The following PDE1C variants were observed in gnomAD, a reference collection of about 807,000 sequenced individuals.
PDE1C encodes dual specificity calcium/calmodulin-dependent 3',5'-cyclic nucleotide phosphodiesterase 1C.
In PDE1C, 62 loss-of-function variants were observed where a neutral mutation model predicts 93.1. The ratio of observed to expected loss-of-function variants is 0.67; its 90% CI spans 0.54 to 0.82. The LOEUF is 0.82. Ranked by LOEUF, PDE1C falls within the 40% of genes least tolerant of loss-of-function variation. The pLI, the probability that PDE1C is intolerant of heterozygous loss-of-function variation, is 0.00. For synonymous variants in PDE1C, 325 were observed against 310.1 expected, an observed-to-expected ratio of 1.05 and a Z score of -0.50; for missense variants, 742 against 884.6, an observed-to-expected ratio of 0.84 and a Z score of 2.04.
At chr7:31,888,249 CAAAAA>C (rs34112969) in intron 2 of PDE1C, among the ~76,000 whole-genome samples, 3 of 44,210 alleles carry the variant, frequency 6.8e-5, no homozygotes, top group East Asian at 9.4e-4. Context: ...GACTCAGTCT[CAAAAA>C]AAAAAAAAAA....
the PDE1C span, chr7:31,651,070 G>A: frequency 1.3e-6 from 2 of 1,522,598 alleles, no homozygotes; most frequent in African/African-American, 1.4e-5. Context: ...TGGGAAGACA[G>A]GCTCCACCAT....
At position 32,054,047 on chromosome 7, in the gene PDE1C, T is replaced by C. The variant is rs140991858; in HGVS notation, c.102-2467A>G. Among the ~76,000 whole-genome samples, 224 of 151,834 alleles carry C rather than the reference T, an allele frequency of 1.5e-3. 1 individual carries two copies. Among genetic ancestry groups the C allele is most frequent in the African/African-American group, 5.0e-3 (207 of 41,368 alleles). On this transcript the variant is annotated intron_variant, in intron 1 of 17. Coordinates refer to ENST00000396191, the MANE Select transcript of PDE1C (RefSeq NM_001191057.4). ...AGCAAGCAGGGACTATAAAGTGAGG[T>C]AGCAGGAAATAAGGCTGGCAAGTGC... is the stretch of plus-strand genomic sequence containing the variant.
At chr7:31,880,690 C>T (rs1486528144) in intron 3 of PDE1C, 57 bp downstream of exon 3, 3 of 1,004,824 alleles carry the variant, frequency 3.0e-6, no homozygotes, top group Non-Finnish European at 4.6e-6. Context: ...TCAGAAAAGC[C>T]ATTTAAGAGA....
chr7:32,196,745 T>G (rs925062627), intron 2 of PDE1C, among the ~76,000 whole-genome samples: 2 of 152,184 alleles, frequency 1.3e-5, no homozygotes, highest in Non-Finnish European at 2.9e-5. Flanking sequence ...GGAGACTCAG[T>G]GGAATCCATT....
chr7:31,939,361 C>T (rs991003913), intron 2 of PDE1C, among the ~76,000 whole-genome samples: 5 of 152,054 alleles, frequency 3.3e-5, no homozygotes, highest in African/African-American at 9.7e-5. Context: ...AGGTTGTATC[C>T]AAATGCTCTC....
Position 32,350,075 on chromosome 7 carries a change from CTGTTGT to C in PDE1C, c.310+77741_310+77746del, listed in dbSNP as rs71559222. Among the ~76,000 whole-genome samples the C allele has an allele frequency of 2.7e-5, 4 of 148,748 alleles. No homozygotes were observed. In the East Asian group the frequency reaches 8.5e-4, roughly 32 times the overall value. ...TGTGGCATTCCTTTGTATTGTCTTG[CTGTTGT>C]TGTTGTTGTTGTTCTTCTTCTTCCT... On this transcript the variant is annotated intron_variant, in intron 1 of 1. Transcript: ENST00000672256.
At chr7:31,755,502 C>T (rs967453889) in intron 17 of PDE1C, among the ~76,000 whole-genome samples, 3 of 151,882 alleles carry the variant, frequency 2.0e-5, no homozygotes, top group Non-Finnish European at 2.9e-5. Context: ...ATGACTGATT[C>T]CAGAACTCGG....
At chr7:31,750,790 G>A (rs780357775), downstream of PDE1C, among the ~76,000 whole-genome samples, 17 of 152,108 alleles carry the variant, frequency 1.1e-4, no homozygotes, top group African/African-American at 3.1e-4. Flanking sequence ...GGAATGCAGC[G>A]GCGTGATCTC....
chr7:32,374,904 A>G (rs215714), intron 1 of PDE1C, among the ~76,000 whole-genome samples: 137,101 of 152,244 alleles, frequency 0.9, 62,702 homozygotes, highest in East Asian at 1. Context: ...GACAGACCCA[A>G]TGCAAAACTG....
the PDE1C span, chr7:31,642,112 G>T: frequency 1.7e-6 from 2 of 1,209,006 alleles, no homozygotes; most frequent in South Asian, 2.8e-5. Context: ...TAGAGGGGTT[G>T]ATCCAAGTCC....
chr7:32,297,218 T>C (rs1812648602), intron 1 of PDE1C, among the ~76,000 whole-genome samples: 1 of 152,174 alleles, frequency 6.6e-6, no homozygotes, highest in Non-Finnish European at 1.5e-5. Flanking sequence ...GGCTACTTTA[T>C]TGAGAACAAA....
intron 1 of PDE1C, among the ~76,000 whole-genome samples, chr7:32,347,130 C>G (rs1376105190): frequency 2.0e-5 from 3 of 152,164 alleles, no homozygotes; most frequent in African/African-American, 7.2e-5. Flanking sequence ...ACCTCTACTC[C>G]CTATAATCCA....
At chr7:31,890,109 CT>C (rs1458174559) in intron 2 of PDE1C, among the ~76,000 whole-genome samples, 2 of 152,142 alleles carry the variant, frequency 1.3e-5, no homozygotes, top group African/African-American at 4.8e-5. Context: ...TGAAAACCCA[CT>C]TGTTCTTCTG....
chr7:31,687,808 T>G, the PDE1C span, among the ~76,000 whole-genome samples: 2 of 152,210 alleles, frequency 1.3e-5, no homozygotes, highest in African/African-American at 4.8e-5. Context: ...AGAGGGTGCA[T>G]TAACGAGATA....
At chr7:31,830,155 A>T (rs75979748) in intron 11 of PDE1C, among the ~76,000 whole-genome samples, 3 of 152,252 alleles carry the variant, frequency 2.0e-5, no homozygotes, top group Non-Finnish European at 2.9e-5. Context: ...TTTTTAAAAC[A>T]GAGGTACTTG....
At chr7:31,657,948 A>G in the PDE1C span, among the ~76,000 whole-genome samples, 1 of 152,214 alleles carries the variant, frequency 6.6e-6, no homozygotes, top group Admixed American at 6.5e-5. Flanking sequence ...ACATTAAAGC[A>G]CAGGATCCTA....
chr7:32,338,597 G>C (rs12533853), intron 1 of PDE1C, among the ~76,000 whole-genome samples: 47,925 of 152,026 alleles, frequency 0.32, 8,805 homozygotes, highest in East Asian at 0.51. Context: ...ATTAAACATA[G>C]AATTACCATA....
the PDE1C span, among the ~76,000 whole-genome samples, chr7:31,625,006 A>G: frequency 6.6e-6 from 1 of 152,248 alleles, no homozygotes; most frequent in Non-Finnish European, 1.5e-5. Context: ...TATGCAGTCA[A>G]AAAACACATG....
chr7:31,775,814 A>T, intron 16 of PDE1C, 82 bp from the exon 17 acceptor site: 2 of 1,188,048 alleles, frequency 1.7e-6, no homozygotes, highest in South Asian at 2.5e-5. Flanking sequence ...CTGAAATGTT[A>T]TCAAGTTGGG....
Sources: allele counts gnomAD v4.1 joint callset (sites outside exome capture counted in the v4.1 genomes callset), GRCh38; gene constraint gnomAD v4.1.1; transcripts MANE v1.5; gene names NCBI Gene and HGNC (gene_info 2026-07-23, HGNC 2026-07-21).